PTPRK: variants seen among roughly 807,000 people sequenced by gnomAD.
The protein encoded by PTPRK is receptor-type tyrosine-protein phosphatase kappa.
PTPRK carries 75 observed loss-of-function variants against 178.0 expected under a neutral mutation model. That is an observed-to-expected ratio of 0.42 (90% CI 0.35 to 0.51). The LOEUF (loss-of-function observed/expected upper bound fraction) is 0.51. Ranked by LOEUF, PTPRK falls within the 20% of genes least tolerant of loss-of-function variation. PTPRK has a pLI of 0.02. For synonymous variants in PTPRK, 637 were observed against 620.6 expected (o/e 1.03, Z -0.39); for missense variants, 1,441 against 1,797.8 (o/e 0.80, Z 3.59).
In PTPRK at chr6:128,484,006, GTTC is replaced by G. The variant is rs796975041; in HGVS notation, c.100+36250_100+36252del. Among the ~76,000 whole-genome samples, 184 of 151,934 alleles carry G rather than the reference GTTC, an allele frequency of 1.2e-3. 1 individual carries two copies. The highest frequency in any genetic ancestry group is 4.2e-3 in the African/African-American group (175 of 41,442). ...TCCCATGTATTTTCCCCTCTTCGTG[GTTC>G]TGTTATGCATCCCTGGTTTCCCTTA... On this transcript the variant is annotated intron_variant, in intron 1 of 29. Coordinates refer to ENST00000368226, the MANE Select transcript of PTPRK (RefSeq NM_002844.4).
Position 128,519,254 on chromosome 6 carries a change from C to G in PTPRK, c.100+1005G>C, listed in dbSNP as rs1034983623. 3.9e-5 allele frequency: 15 copies of G among 383,914 alleles called. No homozygotes were observed. Among genetic ancestry groups the G allele is most frequent in the African/African-American group, 3.2e-4 (15 of 46,990 alleles). 23.8% of individuals were successfully genotyped at this position (383,914 alleles called of 1,614,324 possible). ...ACTTCAGAGCCCCCAGAGGAGAGAACGAAAGAAGCAACCAACCTACACGAA... is the reference window on the plus strand; with the variant it reads ...ACTTCAGAGCCCCCAGAGGAGAGAAGGAAAGAAGCAACCAACCTACACGAA... On this transcript the variant is annotated intron_variant, in intron 1 of 29. Transcript: ENST00000368226. The surrounding 1 kb of genome is among the most constrained non-coding windows in gnomAD (Gnocchi z 4.3).
intron 1 of PTPRK, among the ~76,000 whole-genome samples, chr6:128,447,155 C>A (rs905680481): frequency 6.6e-6 from 1 of 152,260 alleles, no homozygotes; most frequent in African/African-American, 2.4e-5. Context: ...ACACTAAAAG[C>A]AGCTCCTGGT....
chr6:128,221,385 G>A (rs915447571), intron 5 of PTPRK, among the ~76,000 whole-genome samples: 30 of 151,872 alleles, frequency 2.0e-4, no homozygotes, highest in African/African-American at 9.7e-5. Context: ...TTAGCCAGGC[G>A]CGGTGGCGGG....
intron 7 of PTPRK, among the ~76,000 whole-genome samples, chr6:128,142,720 C>G (rs996692253): frequency 1.3e-5 from 2 of 151,920 alleles, no homozygotes; most frequent in African/African-American, 4.8e-5. Context: ...GTAAGTCTTA[C>G]ATTTCAACAA....
At chr6:128,270,663 C>T (rs1041058148) in intron 3 of PTPRK, among the ~76,000 whole-genome samples, 10 of 152,090 alleles carry the variant, frequency 6.6e-5, no homozygotes, top group South Asian at 2.1e-4. Context: ...ATTATATATG[C>T]GTCTTTAGAT....
intron 1 of PTPRK, among the ~76,000 whole-genome samples, chr6:128,455,744 A>C (rs866117752): frequency 6.6e-6 from 1 of 152,174 alleles, no homozygotes. Flanking sequence ...GAAGATATAC[A>C]GTCATTTTAG....
intron 1 of PTPRK, among the ~76,000 whole-genome samples, chr6:128,490,655 C>T (rs528290987): frequency 1.3e-5 from 2 of 152,302 alleles, no homozygotes; most frequent in Admixed American, 1.3e-4. Context: ...GTCGCTCAAC[C>T]TCTCTGTGCC....
intron 3 of PTPRK, among the ~76,000 whole-genome samples, chr6:128,279,866 C>T (rs932178013): frequency 6.6e-6 from 1 of 152,104 alleles, no homozygotes; most frequent in Non-Finnish European, 1.5e-5. Context: ...CAAGCCATTT[C>T]CCATCTCAAT....
chr6:128,151,189 GGGA>G (rs971304113), intron 7 of PTPRK, among the ~76,000 whole-genome samples: 2 of 145,572 alleles, frequency 1.4e-5, no homozygotes, highest in African/African-American at 2.7e-5. Flanking sequence ...ATTCAAAAAA[GGGA>G]GGAGGAGTTT....
chr6:128,195,848 C>T (rs528945319), intron 6 of PTPRK, among the ~76,000 whole-genome samples: 4 of 152,090 alleles, frequency 2.6e-5, no homozygotes, highest in Non-Finnish European at 2.9e-5. Context: ...AGTTTTATAA[C>T]GTAAAAATTC....
chr6:128,278,864 C>T (rs1054816034), intron 3 of PTPRK, among the ~76,000 whole-genome samples: 5 of 152,078 alleles, frequency 3.3e-5, no homozygotes, highest in South Asian at 2.1e-4. Context: ...TGTTCAAGTT[C>T]GGTTCAAATA....
At chr6:128,262,983 T>C (rs1818407921) in intron 3 of PTPRK, among the ~76,000 whole-genome samples, 1 of 151,830 alleles carries the variant, frequency 6.6e-6, no homozygotes, top group Non-Finnish European at 1.5e-5. Flanking sequence ...TTCACCTTCA[T>C]ACACCCAGCT....
At chr6:128,289,014 T>C (rs887564186) in intron 3 of PTPRK, among the ~76,000 whole-genome samples, 4 of 152,118 alleles carry the variant, frequency 2.6e-5, no homozygotes, top group African/African-American at 9.7e-5. Context: ...ACCAAATCTA[T>C]GGTCACTATG....
chr6:128,265,237 A>G (rs574038051), intron 3 of PTPRK, among the ~76,000 whole-genome samples: 7 of 152,206 alleles, frequency 4.6e-5, no homozygotes, highest in Non-Finnish European at 1.0e-4. Flanking sequence ...GTATATCATC[A>G]TATCACCACA....
intron 3 of PTPRK, among the ~76,000 whole-genome samples, chr6:128,262,550 C>T (rs1818327366): frequency 6.6e-6 from 1 of 152,006 alleles, no homozygotes; most frequent in South Asian, 2.1e-4. Context: ...AAGCCCTAAA[C>T]TAGACCCAAC....
At chr6:128,497,780 T>G (rs895212415) in intron 1 of PTPRK, among the ~76,000 whole-genome samples, 7 of 88,666 alleles carry the variant, frequency 7.9e-5, no homozygotes, top group African/African-American at 2.2e-4. Flanking sequence ...AAAAAGGTTG[T>G]TTTTTTTTTT....
At chr6:128,292,542 TC>T (rs896785670) in intron 3 of PTPRK, among the ~76,000 whole-genome samples, 2 of 152,076 alleles carry the variant, frequency 1.3e-5, no homozygotes, top group Non-Finnish European at 2.9e-5. Context: ...AGATTTATTT[TC>T]CCCAGGCATC....
At chr6:128,379,127 C>G (rs1411086715) in intron 2 of PTPRK, among the ~76,000 whole-genome samples, 2 of 151,960 alleles carry the variant, frequency 1.3e-5, no homozygotes, top group East Asian at 3.9e-4. Context: ...TGTTCTACTC[C>G]CTGTTCTTTT....
intron 3 of PTPRK, among the ~76,000 whole-genome samples, chr6:128,260,134 T>C (rs1001504485): frequency 3.9e-5 from 6 of 152,180 alleles, no homozygotes; most frequent in Non-Finnish European, 8.8e-5. Flanking sequence ...CTATAGAGTA[T>C]ATTATTCTCT....
Sources: allele counts gnomAD v4.1 joint callset (sites outside exome capture counted in the v4.1 genomes callset), GRCh38; gene constraint gnomAD v4.1.1; non-coding constraint Gnocchi (gnomAD v3.1); transcripts MANE v1.5; gene names NCBI Gene and HGNC (gene_info 2026-07-23, HGNC 2026-07-21).